Variants in SYNPR observed in about 807,000 individuals in gnomAD.
SYNPR encodes synaptoporin.
SYNPR carries 23 observed loss-of-function variants against 32.9 expected under a neutral mutation model. The ratio of observed to expected loss-of-function variants is 0.70; its 90% CI spans 0.50 to 0.99. SYNPR has a LOEUF of 0.99. Among genes scored for constraint, SYNPR ranks in the 50% least tolerant of loss-of-function variants. The pLI is 0.00. For synonymous variants in SYNPR, 146 were observed against 135.9 expected (o/e 1.07, Z -0.52); for missense variants, 318 against 349.3 (o/e 0.91, Z 0.71).
Position 63,470,066 on chromosome 3 carries a change from T to C in SYNPR, c.85-10766T>C, listed in dbSNP as rs9829451. On this transcript the variant is annotated intron_variant, in intron 2 of 5. Transcript: ENST00000478300. ...ACATGCTTATTGGAAGACATTGCAA[T>C]AATGCAAAAATAACTAAAACCGAGA... 1.6e-4 allele frequency among the ~76,000 whole-genome samples: 24 copies of C among 152,230 alleles called. No individual in the cohort carries two copies. In the East Asian group the frequency reaches 4.4e-3, roughly 28 times the overall value.
At chr3:63,464,476 T>G (rs891818772) in intron 2 of SYNPR, among the ~76,000 whole-genome samples, 1 of 152,202 alleles carries the variant, frequency 6.6e-6, no homozygotes, top group African/African-American at 2.4e-5. Flanking sequence ...TTTTTTCTAC[T>G]TCCTCAAATA....
At chr3:63,242,986 A>C (rs2086259656) in intron 1 of SYNPR, among the ~76,000 whole-genome samples, 1 of 152,088 alleles carries the variant, frequency 6.6e-6, no homozygotes, top group Non-Finnish European at 1.5e-5. Context: ...ACCCATGAGG[A>C]AAAATGTACA....
At chr3:63,206,100 G>C in the SYNPR span, among the ~76,000 whole-genome samples, 2 of 152,120 alleles carry the variant, frequency 1.3e-5, no homozygotes, top group African/African-American at 2.4e-5. Context: ...ATCTAGTCCT[G>C]TGTTTCTCAA....
At chr3:63,428,773 C>T (rs910754465) in intron 2 of SYNPR, among the ~76,000 whole-genome samples, 28 of 152,148 alleles carry the variant, frequency 1.8e-4, no homozygotes, top group African/African-American at 6.8e-4. Flanking sequence ...TAGGCTTATT[C>T]CCATGATGAC....
intron 4 of SYNPR, among the ~76,000 whole-genome samples, chr3:63,594,541 C>G (rs1194368420): frequency 6.6e-6 from 1 of 152,112 alleles, no homozygotes; most frequent in Non-Finnish European, 1.5e-5. Context: ...GACTGTGGAG[C>G]CAAACTCCCT....
chr3:63,611,457 A>C (rs569653931), intron 5 of SYNPR, among the ~76,000 whole-genome samples: 1 of 152,282 alleles, frequency 6.6e-6, no homozygotes, highest in East Asian at 1.9e-4. Flanking sequence ...TTTATTACAA[A>C]TTGTTTGGCT....
chr3:63,442,066 C>T (rs944978483), intron 2 of SYNPR, among the ~76,000 whole-genome samples: 1 of 152,038 alleles, frequency 6.6e-6, no homozygotes, highest in African/African-American at 2.4e-5. Context: ...GTTTGGTCCC[C>T]CAACCTCCCC....
intron 2 of SYNPR, among the ~76,000 whole-genome samples, chr3:63,477,703 GC>G (rs1285501853): frequency 1.3e-5 from 2 of 152,102 alleles, no homozygotes; most frequent in African/African-American, 4.8e-5. Context: ...CTGGGCACGA[GC>G]AAGCCGAGCC....
intron 2 of SYNPR, among the ~76,000 whole-genome samples, chr3:63,280,661 A>T (rs1051645280): frequency 6.6e-6 from 1 of 151,988 alleles, no homozygotes; most frequent in African/African-American, 2.4e-5. Context: ...ATTTTTATTC[A>T]TTCACTCATA....
At position 63,288,959 on chromosome 3, in the gene SYNPR, T is replaced by C. The variant is rs546148768; in HGVS notation, c.84+10217T>C. Among the ~76,000 whole-genome samples the C allele has an allele frequency of 2.0e-5, 3 of 152,340 alleles. No homozygotes were observed. In the South Asian group the frequency reaches 6.2e-4, roughly 32 times the overall value. ...CCATTTTATACCAAAAATTTTGCTC[T>C]TCTTTTCAGCCATGGAACACAGAGC... On this transcript the variant is annotated intron_variant, in intron 2 of 5. Coordinates refer to ENST00000478300, the MANE Select transcript of SYNPR (RefSeq NM_001130003.2).
intron 3 of SYNPR, among the ~76,000 whole-genome samples, chr3:63,494,498 C>T (rs11130937): frequency 0.086 from 9,057 of 105,064 alleles, 1,152 homozygotes; most frequent in East Asian, 0.13. Context: ...CATATATATA[C>T]ATATATACAT....
chr3:63,228,627 G>C lies in SYNPR; in HGVS notation n.66+247G>C, dbSNP rs146193750. On this transcript the variant is annotated intron_variant and non_coding_transcript_variant, in intron 1 of 4. Transcript: ENST00000478456. ...TCTCTTCAGTTTACCACACTCTCAA[G>C]ATTTCTAGACCCACCCCCTTTTTCA... Among the ~76,000 whole-genome samples, 45 of 151,978 alleles carry C rather than the reference G, an allele frequency of 3.0e-4. No homozygotes were observed. In the East Asian group the frequency reaches 8.7e-3, roughly 29 times the overall value.
intron 3 of SYNPR, among the ~76,000 whole-genome samples, chr3:63,510,733 T>G (rs1356678995): frequency 6.6e-6 from 1 of 151,890 alleles, no homozygotes; most frequent in Non-Finnish European, 1.5e-5. Flanking sequence ...GAGTATGGGG[T>G]TTTTTGTGTG....
intron 2 of SYNPR, among the ~76,000 whole-genome samples, chr3:63,263,873 GGAAAA>G (rs1157471559): frequency 1.9e-4 from 29 of 152,174 alleles, no homozygotes; most frequent in African/African-American, 6.8e-4. Context: ...AGATTAAATA[GGAAAA>G]GAAATCAGCT....
At chr3:63,541,527 G>A (rs1702303015) in intron 3 of SYNPR, among the ~76,000 whole-genome samples, 1 of 152,098 alleles carries the variant, frequency 6.6e-6, no homozygotes, top group Non-Finnish European at 1.5e-5. Context: ...TTCTGGAATA[G>A]TTACATAGAT....
chr3:63,280,697 G>A (rs181634656), intron 2 of SYNPR, among the ~76,000 whole-genome samples: 6 of 150,496 alleles, frequency 4.0e-5, no homozygotes, highest in East Asian at 3.9e-4. Context: ...GCAAAATACC[G>A]TTTTATAGCT....
At chr3:63,532,680 A>G (rs1370595895) in intron 3 of SYNPR, among the ~76,000 whole-genome samples, 3 of 152,308 alleles carry the variant, frequency 2.0e-5, no homozygotes, top group African/African-American at 7.2e-5. Context: ...ACTGGCCCCA[A>G]TCCAGGCCAT....
intron 4 of SYNPR, among the ~76,000 whole-genome samples, chr3:63,585,476 A>T (rs1575724075): frequency 6.9e-6 from 1 of 145,002 alleles, no homozygotes; most frequent in Admixed American, 6.9e-5. Context: ...CGCACCCACC[A>T]CACACACACA....
At chr3:63,388,797 A>G (rs1005566248) in intron 2 of SYNPR, among the ~76,000 whole-genome samples, 1 of 152,024 alleles carries the variant, frequency 6.6e-6, no homozygotes, top group African/African-American at 2.4e-5. Flanking sequence ...ACCAAGCCAC[A>G]TGAGGCCCCA....
Sources: gnomAD v4.1 joint callset for allele counts (sites outside exome capture counted in the v4.1 genomes callset) on GRCh38, gnomAD v4.1.1 for gene constraint, MANE v1.5 for transcripts, NCBI Gene and HGNC (gene_info 2026-07-23, HGNC 2026-07-21) for gene names.